Variants in UGT1A6 observed in about 807,000 individuals in gnomAD.
UGT1A6 encodes the protein UDP glucuronosyltransferase family 1 member A6.
UGT1A6 carries 32 observed loss-of-function variants against 44.4 expected under a neutral mutation model. That is an observed-to-expected ratio of 0.72 (90% CI 0.54 to 0.97). UGT1A6 has a LOEUF of 0.97. Among genes scored for constraint, UGT1A6 ranks in the 50% least tolerant of loss-of-function variants. The pLI is 0.00. For synonymous variants in UGT1A6, 238 were observed against 248.5 expected, an observed-to-expected ratio of 0.96 and a Z score of 0.40; for missense variants, 685 against 661.9, an observed-to-expected ratio of 1.03 and a Z score of -0.38.
At chr2:233,754,204 A>G (rs1695418999) in intron 1 of UGT1A6, 1 of 163,390 alleles carries the variant, frequency 6.1e-6, no homozygotes, top group South Asian at 1.6e-4. Flanking sequence ...AAAACATTGA[A>G]GTCAAATGAT....
intron 1 of UGT1A6, among the ~76,000 whole-genome samples, chr2:233,739,272 C>T (rs1444866031): frequency 6.6e-6 from 1 of 152,138 alleles, no homozygotes; most frequent in African/African-American, 2.4e-5. Flanking sequence ...AGGTTGGAGC[C>T]CCCACACAGA....
At chr2:233,710,145 TATC>T (rs1430015885) in intron 1 of UGT1A6, among the ~76,000 whole-genome samples, 2 of 152,254 alleles carry the variant, frequency 1.3e-5, no homozygotes, top group African/African-American at 4.8e-5. Context: ...TGTATAGATA[TATC>T]ATCATTTGCT....
chr2:233,728,576 A>C (rs913961228), intron 1 of UGT1A6, among the ~76,000 whole-genome samples: 5 of 152,214 alleles, frequency 3.3e-5, no homozygotes, highest in African/African-American at 1.2e-4. Context: ...CCTGGTGCGA[A>C]AAACGACCAA....
At chr2:233,731,346 T>C (rs1050740292) in intron 1 of UGT1A6, among the ~76,000 whole-genome samples, 9 of 151,806 alleles carry the variant, frequency 5.9e-5, no homozygotes, top group African/African-American at 2.2e-4. Flanking sequence ...GCAGGTTTGA[T>C]ACATAGGTAT....
chr2:233,725,909 C>T (rs2077482916), intron 1 of UGT1A6, among the ~76,000 whole-genome samples: 1 of 152,102 alleles, frequency 6.6e-6, no homozygotes, highest in Admixed American at 6.5e-5. Flanking sequence ...CTCACACCTG[C>T]AATTTCAGCC....
intron 1 of UGT1A6, among the ~76,000 whole-genome samples, chr2:233,694,084 TAGG>T (rs751212149): frequency 1.3e-5 from 2 of 151,696 alleles, no homozygotes; most frequent in Non-Finnish European, 2.9e-5. Flanking sequence ...TTGGCAAGAG[TAGG>T]AGATTTGCTT....
At chr2:233,698,914 C>T (rs12471030) in intron 1 of UGT1A6, among the ~76,000 whole-genome samples, 26,852 of 152,182 alleles carry the variant, frequency 0.18, 2,658 homozygotes, top group Non-Finnish European at 0.23. Flanking sequence ...CAAGGAGGGA[C>T]GTGGCCGTCT....
chr2:233,741,619 C>T (rs901623616), intron 1 of UGT1A6: 6 of 151,836 alleles, frequency 4.0e-5, no homozygotes. Flanking sequence ...AGTGTCAGAC[C>T]CCATGAGCCC....
chr2:233,751,619 A>G (rs765633655), intron 1 of UGT1A6, among the ~76,000 whole-genome samples: 10 of 152,142 alleles, frequency 6.6e-5, no homozygotes, highest in Non-Finnish European at 1.3e-4. Flanking sequence ...AGGTGATTGG[A>G]TCATGTGTGC....
chr2:233,700,892 T>G (rs1471650676), intron 1 of UGT1A6, among the ~76,000 whole-genome samples: 1 of 151,456 alleles, frequency 6.6e-6, no homozygotes, highest in African/African-American at 2.4e-5. Context: ...CCCACAACAG[T>G]CCCCGGTGTG....
chr2:233,734,873 G>A (rs1334248859), intron 1 of UGT1A6, among the ~76,000 whole-genome samples: 3 of 152,244 alleles, frequency 2.0e-5, no homozygotes, highest in Non-Finnish European at 2.9e-5. Flanking sequence ...ACTATGGTCT[G>A]AGAGACAGTT....
intron 1 of UGT1A6, among the ~76,000 whole-genome samples, chr2:233,758,268 G>A (rs1000936353): frequency 2.6e-5 from 4 of 152,178 alleles, no homozygotes; most frequent in Non-Finnish European, 5.9e-5. Flanking sequence ...AGTATTTCTT[G>A]GTCAAGGGCA....
At chr2:233,742,506 T>C (rs1389190553) in intron 1 of UGT1A6, among the ~76,000 whole-genome samples, 1 of 151,946 alleles carries the variant, frequency 6.6e-6, no homozygotes, top group East Asian at 1.9e-4. Flanking sequence ...ATGGCTATCA[T>C]GAACACGTCA....
chr2:233,732,934 A>G (rs1157775359), intron 1 of UGT1A6, among the ~76,000 whole-genome samples: 1 of 152,018 alleles, frequency 6.6e-6, no homozygotes, highest in Non-Finnish European at 1.5e-5. Context: ...GATTCTTCCT[A>G]TCCATGAGCA....
chr2:233,752,826 C>T (rs372866711), intron 1 of UGT1A6, among the ~76,000 whole-genome samples: 1 of 152,184 alleles, frequency 6.6e-6, no homozygotes, highest in East Asian at 1.9e-4. Context: ...TTTATGACAT[C>T]AGTAATCTAG....
At chr2:233,701,747 G>C (rs1017552301) in intron 1 of UGT1A6, among the ~76,000 whole-genome samples, 1 of 152,128 alleles carries the variant, frequency 6.6e-6, no homozygotes, top group Non-Finnish European at 1.5e-5. Context: ...AATAACTACT[G>C]GGTACATAAC....
In UGT1A6 at chr2:233,732,508, T is replaced by C. The variant is rs534063439; in HGVS notation, c.862-34526T>C. The stretch of plus-strand genomic sequence containing the variant: ...TGTATAAGGCGTAAGGAAGGGATCC[T>C]GTTCCAGCTTTCTACATATGGCCAG... On this transcript the variant is annotated intron_variant, in intron 1 of 4. Coordinates refer to ENST00000305139, the MANE Select transcript of UGT1A6 (RefSeq NM_001072.4). Among the ~76,000 whole-genome samples the C allele has an allele frequency of 1.1e-4, 16 of 152,348 alleles. 1 individual carries two copies. The South Asian group carries it at 3.3e-3, about 32-fold the overall frequency.
chr2:233,753,502 C>A (rs1316574897), intron 1 of UGT1A6: 1 of 152,214 alleles, frequency 6.6e-6, no homozygotes, highest in East Asian at 1.9e-4. Context: ...TTTTTTCAGC[C>A]TGTCTAGTTG....
At chr2:233,754,114 G>A (rs1442882252) in intron 1 of UGT1A6, among the ~76,000 whole-genome samples, 1 of 152,128 alleles carries the variant, frequency 6.6e-6, no homozygotes, top group Non-Finnish European at 1.5e-5. Flanking sequence ...CCTACATCAC[G>A]AGCATTTATG....
Sources: gnomAD v4.1 joint callset for allele counts (sites outside exome capture counted in the v4.1 genomes callset) on GRCh38, gnomAD v4.1.1 for gene constraint, MANE v1.5 for transcripts, NCBI Gene and HGNC (gene_info 2026-07-23, HGNC 2026-07-21) for gene names.